RNLS: variants seen among roughly 807,000 people sequenced by gnomAD.
The protein encoded by RNLS is renalase, FAD dependent amine oxidase.
RNLS carries 39 observed loss-of-function variants against 39.8 expected under a neutral mutation model. The observed-to-expected ratio is 0.98, with a 90% confidence interval of 0.76 to 1.28. The LOEUF (loss-of-function observed/expected upper bound fraction) is 1.28. Ranked by LOEUF, RNLS falls within the 50% of genes most tolerant of loss-of-function variation. The probability of loss-of-function intolerance (pLI) is 0.00; values close to 1 mark genes in which losing one functional copy is unlikely to be tolerated. For missense variants in RNLS, 410 were observed against 413.3 expected (o/e 0.99, Z 0.07); for synonymous variants, 147 against 150.7 (o/e 0.98, Z 0.18).
At chr10:88,355,245 C>T (rs1170730552) in intron 5 of RNLS, among the ~76,000 whole-genome samples, 3 of 152,130 alleles carry the variant, frequency 2.0e-5, no homozygotes, top group African/African-American at 4.8e-5. Flanking sequence ...TGTTTTGTTC[C>T]GTTGCTGGTG....
chr10:88,202,069 T>C, the RNLS span, among the ~76,000 whole-genome samples: 1 of 151,708 alleles, frequency 6.6e-6, no homozygotes, highest in Non-Finnish European at 1.5e-5. Context: ...CAACGATAGA[T>C]TGGATTAAGA....
chr10:88,431,581 C>T (rs1855135582), intron 4 of RNLS, among the ~76,000 whole-genome samples: 1 of 151,586 alleles, frequency 6.6e-6, no homozygotes, highest in Non-Finnish European at 1.5e-5. Flanking sequence ...TGATTTGAGA[C>T]CTTTCTTCTT....
intron 4 of RNLS, among the ~76,000 whole-genome samples, chr10:88,559,447 G>C (rs1033402907): frequency 1.3e-4 from 20 of 152,056 alleles, no homozygotes; most frequent in African/African-American, 4.8e-4. Context: ...CCCCTCCAAG[G>C]CTCACCATAA....
At chr10:88,559,387 T>G (rs1260653128) in intron 4 of RNLS, among the ~76,000 whole-genome samples, 1 of 152,040 alleles carries the variant, frequency 6.6e-6, no homozygotes, top group Non-Finnish European at 1.5e-5. Flanking sequence ...GAAAGATAGA[T>G]TCAGTATTTT....
chr10:88,504,439 T>C (rs1006915274), intron 4 of RNLS, among the ~76,000 whole-genome samples: 3 of 152,126 alleles, frequency 2.0e-5, no homozygotes, highest in African/African-American at 7.2e-5. Context: ...TATATTTTTA[T>C]TTACTTTTAT....
chr10:88,575,180 A>G (rs1321352900), intron 3 of RNLS, among the ~76,000 whole-genome samples: 1 of 76,374 alleles, frequency 1.3e-5, no homozygotes, highest in African/African-American at 6.9e-5. Flanking sequence ...ACACACACAC[A>G]TATTATATAT....
intron 4 of RNLS, among the ~76,000 whole-genome samples, chr10:88,407,657 G>A (rs1330923215): frequency 2.6e-5 from 4 of 152,058 alleles, no homozygotes; most frequent in African/African-American, 9.7e-5. Context: ...AACAGTCACA[G>A]TTCTACCCCT....
intron 4 of RNLS, among the ~76,000 whole-genome samples, chr10:88,534,266 T>C (rs1393148298): frequency 6.6e-6 from 1 of 152,082 alleles, no homozygotes; most frequent in Non-Finnish European, 1.5e-5. Flanking sequence ...AAGCCCTGAA[T>C]TAGGCAACAT....
At chr10:88,383,928 ACCCC>A (rs1393140084) in intron 4 of RNLS, among the ~76,000 whole-genome samples, 1 of 152,090 alleles carries the variant, frequency 6.6e-6, no homozygotes, top group Non-Finnish European at 1.5e-5. Context: ...CTAACTTTGA[ACCCC>A]AATTAAGTGA....
chr10:88,387,502 C>CAAAAAAAAAAAAAAAAAAAAAAAAAAA (rs5786817), intron 4 of RNLS, among the ~76,000 whole-genome samples: 2 of 70,116 alleles, frequency 2.9e-5, no homozygotes, highest in Non-Finnish European at 5.1e-5. Flanking sequence ...GAGAACAGAG[C>CAAAAAAAAAAAAAAAAAAAAAAAAAAA]AAAAAAAAAA....
chr10:88,521,921 T>C (rs1314842238), intron 4 of RNLS, among the ~76,000 whole-genome samples: 1 of 152,166 alleles, frequency 6.6e-6, no homozygotes, highest in South Asian at 2.1e-4. Context: ...CCGATTTCCA[T>C]CATAAAGCTT....
chr10:88,446,379 A>G (rs536120993), intron 4 of RNLS, among the ~76,000 whole-genome samples: 1 of 152,338 alleles, frequency 6.6e-6, no homozygotes, highest in South Asian at 2.1e-4. Flanking sequence ...TCTAAAATTG[A>G]CACCTTAACA....
intron 4 of RNLS, among the ~76,000 whole-genome samples, chr10:88,400,292 T>A (rs914890214): frequency 6.6e-6 from 1 of 152,056 alleles, no homozygotes; most frequent in African/African-American, 2.4e-5. Context: ...CTCTTTAGCA[T>A]GACATACAGG....
the RNLS span, among the ~76,000 whole-genome samples, chr10:88,206,989 G>C: frequency 2.0e-5 from 3 of 152,130 alleles, no homozygotes; most frequent in Non-Finnish European, 4.4e-5. Context: ...CCACAGGCTA[G>C]ACAGACCCCA....
intron 4 of RNLS, among the ~76,000 whole-genome samples, chr10:88,551,739 T>A (rs1848614046): frequency 6.6e-6 from 1 of 151,110 alleles, no homozygotes; most frequent in Non-Finnish European, 1.5e-5. Context: ...GCTCTTCTGG[T>A]GGGTAGTTTT....
chr10:88,343,211 G>A (rs980079866), intron 5 of RNLS, among the ~76,000 whole-genome samples: 1 of 152,154 alleles, frequency 6.6e-6, no homozygotes, highest in Non-Finnish European at 1.5e-5. Flanking sequence ...GAACTGGAAA[G>A]GGGCAAGGAT....
intron 4 of RNLS, among the ~76,000 whole-genome samples, chr10:88,421,690 C>T (rs949140243): frequency 2.0e-5 from 3 of 152,128 alleles, no homozygotes; most frequent in South Asian, 2.1e-4. Context: ...GAAAAACCTC[C>T]GATGGCTGTC....
chr10:88,445,404 C>G (rs1841975719), intron 4 of RNLS, among the ~76,000 whole-genome samples: 1 of 152,160 alleles, frequency 6.6e-6, no homozygotes, highest in African/African-American at 2.4e-5. Flanking sequence ...GAAGAAACTG[C>G]AAGTAACGAG....
At chr10:88,547,038 T>G (rs1848351804) in intron 4 of RNLS, among the ~76,000 whole-genome samples, 1 of 152,190 alleles carries the variant, frequency 6.6e-6, no homozygotes, top group Non-Finnish European at 1.5e-5. Context: ...TATGTGCCTG[T>G]GTGCTTTATT....
Sources: gnomAD v4.1 joint callset for allele counts (sites outside exome capture counted in the v4.1 genomes callset) on GRCh38, gnomAD v4.1.1 for gene constraint, MANE v1.5 for transcripts, NCBI Gene and HGNC (gene_info 2026-07-23, HGNC 2026-07-21) for gene names.